NUP98: variants seen among roughly 807,000 people sequenced by gnomAD.
NUP98 encodes the protein nuclear pore complex protein Nup98-Nup96.
In NUP98, 26 loss-of-function variants were observed where a neutral mutation model predicts 191.9. That is an observed-to-expected ratio of 0.14 (90% CI 0.10 to 0.19). NUP98 has a LOEUF of 0.19. NUP98 is among the 10% of genes least tolerant of loss of function. The pLI, the probability that NUP98 is intolerant of heterozygous loss-of-function variation, is 1.00. For synonymous variants in NUP98, 808 were observed against 778.4 expected, an observed-to-expected ratio of 1.04 and a Z score of -0.63; for missense variants, 1,941 against 2,178.8, an observed-to-expected ratio of 0.89 and a Z score of 2.17.
At chr11:3,746,263 T>A (rs10835000) in intron 11 of NUP98, among the ~76,000 whole-genome samples, 2 of 109,356 alleles carry the variant, frequency 1.8e-5, no homozygotes, top group Non-Finnish European at 3.4e-5. Context: ...GAGCAAAACT[T>A]TATCTCAAAA....
chr11:3,727,553 G>A (rs1234078840), intron 14 of NUP98, among the ~76,000 whole-genome samples: 2 of 152,064 alleles, frequency 1.3e-5, no homozygotes, highest in Non-Finnish European at 2.9e-5. Flanking sequence ...TAGCAACTGG[G>A]GTTGGGGGTA....
intron 2 of NUP98, among the ~76,000 whole-genome samples, chr11:3,780,237 C>T (rs1270347398): frequency 6.6e-6 from 1 of 151,436 alleles, no homozygotes; most frequent in Non-Finnish European, 1.5e-5. Context: ...AAGAAAACTT[C>T]CCTGCCAGGT....
chr11:3,796,213 T>C (rs1473256037), intron 1 of NUP98, among the ~76,000 whole-genome samples: 1 of 152,220 alleles, frequency 6.6e-6, no homozygotes, highest in Non-Finnish European at 1.5e-5. Flanking sequence ...CTTATTCTAC[T>C]ATAATACTTC....
intron 4 of NUP98, among the ~76,000 whole-genome samples, chr11:3,778,525 G>C (rs1374087661): frequency 1.3e-5 from 2 of 152,118 alleles, no homozygotes; most frequent in Admixed American, 1.3e-4. Flanking sequence ...AGCACAATAT[G>C]GCTGACTGTA....
chr11:3,740,354 T>C (rs759363988), intron 12 of NUP98, among the ~76,000 whole-genome samples: 2 of 151,728 alleles, frequency 1.3e-5, no homozygotes, highest in Non-Finnish European at 2.9e-5. Flanking sequence ...CTACTAAAAA[T>C]ACAAAAATTA....
chr11:3,687,518 G>A (rs1301446874), intron 28 of NUP98, among the ~76,000 whole-genome samples: 4 of 152,162 alleles, frequency 2.6e-5, no homozygotes, highest in African/African-American at 7.2e-5. Context: ...TTATAGTTAA[G>A]TTGAAATTTA....
chr11:3,772,467 C>T (rs559439616), intron 6 of NUP98, among the ~76,000 whole-genome samples: 1 of 152,222 alleles, frequency 6.6e-6, no homozygotes, highest in East Asian at 1.9e-4. Context: ...AATGAACAAA[C>T]TAACTTCATG....
At chr11:3,729,172 A>G (rs2079736152) in intron 14 of NUP98, among the ~76,000 whole-genome samples, 1 of 152,176 alleles carries the variant, frequency 6.6e-6, no homozygotes, top group African/African-American at 2.4e-5. Flanking sequence ...TACAGATGAT[A>G]TTTAAAGCCA....
intron 14 of NUP98, among the ~76,000 whole-genome samples, chr11:3,726,929 T>A (rs1029112139): frequency 6.6e-6 from 1 of 152,090 alleles, no homozygotes; most frequent in African/African-American, 2.4e-5. Flanking sequence ...GTCTGGCTAA[T>A]TAAAAAAAAA....
At chr11:3,688,494 A>T (rs1475998441) in intron 28 of NUP98, among the ~76,000 whole-genome samples, 1 of 151,342 alleles carries the variant, frequency 6.6e-6, no homozygotes, top group East Asian at 2.0e-4. Flanking sequence ...ATTCTATATA[A>T]TTAATATAGT....
In NUP98 at chr11:3,695,522, C is replaced by A. The variant is rs2078473218; in HGVS notation, c.4094G>T (p.Trp1365Leu). 1 of 1,611,572 alleles carries A rather than the reference C, an allele frequency of 6.2e-7. No individual in the cohort carries two copies. Reference protein sequence around the residue: ...RELLTMQLVDWHQLQADSFIQ... With the variant: ...RELLTMQLVDLHQLQADSFIQ... ...GAAGGAGTCTGCTTGGAGCTGATGC[C>A]AGTCCACCAACTGCATGGTGAGCAG... Residue 1365 changes from tryptophan (W) to leucine (L), a missense_variant, in exon 26 of 33, where the codon TGG (tryptophan) becomes TTG (leucine). Physicochemically the swap from Trp to Leu is moderately conservative, Grantham distance 61. Coordinates refer to ENST00000324932, the MANE Select transcript of NUP98 (RefSeq NM_016320.5).
At chr11:3,779,641 C>A (rs2081882520) in intron 2 of NUP98, among the ~76,000 whole-genome samples, 2 of 139,662 alleles carry the variant, frequency 1.4e-5, no homozygotes, top group African/African-American at 2.6e-5. Context: ...AACGCCGTCT[C>A]AAAAAAAAAA....
At chr11:3,709,070 T>C (rs2078952873) in intron 20 of NUP98, among the ~76,000 whole-genome samples, 2 of 152,200 alleles carry the variant, frequency 1.3e-5, no homozygotes, top group South Asian at 4.1e-4. Flanking sequence ...CGATACAGCA[T>C]TGCTTAATTC....
intron 24 of NUP98, 105 bp downstream of exon 24, chr11:3,700,505 G>C (rs971258692): frequency 2.1e-5 from 14 of 682,612 alleles, no homozygotes; most frequent in Non-Finnish European, 3.0e-5. Flanking sequence ...ACAAGCACAG[G>C]CATTTACCTA....
chr11:3,716,256 G>C (rs2079176406), intron 18 of NUP98, among the ~76,000 whole-genome samples: 1 of 151,950 alleles, frequency 6.6e-6, no homozygotes, highest in Admixed American at 6.6e-5. Context: ...CTTTGTATAT[G>C]GCATAACTTC....
At chr11:3,740,622 C>T (rs2080247239) in intron 12 of NUP98, among the ~76,000 whole-genome samples, 1 of 151,702 alleles carries the variant, frequency 6.6e-6, no homozygotes, top group Non-Finnish European at 1.5e-5. Context: ...TCTAAGTAAA[C>T]ACATAAAAAG....
intron 28 of NUP98, 44 bp from the exon 29 acceptor site, chr11:3,686,238 G>T: frequency 6.5e-7 from 1 of 1,548,632 alleles, no homozygotes. Flanking sequence ...GCCAGGAGAC[G>T]GCCTGGACTG....
intron 22 of NUP98, 120 bp downstream of exon 22, chr11:3,705,080 G>T: frequency 1.1e-6 from 1 of 871,382 alleles, no homozygotes; most frequent in Non-Finnish European, 1.8e-6. Context: ...TTATGTCACA[G>T]GTATAGTTGT....
At chr11:3,686,791 G>C (rs1177907949) in intron 28 of NUP98, among the ~76,000 whole-genome samples, 1 of 152,136 alleles carries the variant, frequency 6.6e-6, no homozygotes. Flanking sequence ...TTTGAGACCA[G>C]CCTGGCCAAG....
Sources: allele counts gnomAD v4.1 joint callset (sites outside exome capture counted in the v4.1 genomes callset), GRCh38; gene constraint gnomAD v4.1.1; transcripts MANE v1.5; gene names NCBI Gene and HGNC (gene_info 2026-07-23, HGNC 2026-07-21).